The following SYN2 variants were observed in gnomAD, a reference collection of about 807,000 sequenced individuals.
SYN2 encodes synapsin-2.
SYN2 carries 19 observed loss-of-function variants against 50.9 expected under a neutral mutation model. The observed-to-expected ratio is 0.37, with a 90% CI of 0.26 to 0.55. The LOEUF (loss-of-function observed/expected upper bound fraction) is 0.55. SYN2 is among the 20% of genes least tolerant of loss of function. The pLI is 0.81. For synonymous variants in SYN2, 255 were observed against 224.9 expected, an observed-to-expected ratio of 1.13 and a Z score of -1.20; for missense variants, 587 against 576.4, an observed-to-expected ratio of 1.02 and a Z score of -0.19.
At chr3:12,174,590 C>G (rs1698017713) in intron 10 of SYN2, among the ~76,000 whole-genome samples, 1 of 152,126 alleles carries the variant, frequency 6.6e-6, no homozygotes, top group African/African-American at 2.4e-5. Flanking sequence ...CAAGCGATTC[C>G]CCTGCCTCAG....
rs1696974627 is a variant in SYN2, at chr3:12,139,771, G to A, written c.378-880G>A. On this transcript the variant is annotated intron_variant, in intron 1 of 12. Coordinates refer to ENST00000621198, the MANE Select transcript of SYN2 (RefSeq NM_133625.6). The stretch of plus-strand genomic sequence containing the variant: ...AAAGCAAGCTCAACTTACCTAACAG[G>A]TAGAGTATGGAAAGGCCCTTTTGAC... Among the ~76,000 whole-genome samples the A allele has an allele frequency of 2.6e-5, 4 of 152,170 alleles. No individual in the cohort carries two copies. In the South Asian group the frequency reaches 8.3e-4, roughly 32 times the overall value.
At chr3:12,052,115 T>A (rs573546351) in intron 1 of SYN2, among the ~76,000 whole-genome samples, 35 of 152,362 alleles carry the variant, frequency 2.3e-4, no homozygotes, top group Middle Eastern at 3.4e-3. Context: ...ATTCACATTT[T>A]AGTATTTATA....
intron 1 of SYN2, among the ~76,000 whole-genome samples, chr3:12,049,923 T>C (rs1405255699): frequency 6.6e-6 from 1 of 151,910 alleles, no homozygotes; most frequent in Non-Finnish European, 1.5e-5. Flanking sequence ...ATCTCGACAG[T>C]TTTTGTTTGT....
intron 1 of SYN2, among the ~76,000 whole-genome samples, chr3:12,036,804 C>G (rs1029229773): frequency 2.0e-5 from 3 of 152,202 alleles, no homozygotes; most frequent in African/African-American, 7.2e-5. Context: ...CTTTGCCTTT[C>G]CAGGCTGAGA....
intron 1 of SYN2, among the ~76,000 whole-genome samples, chr3:12,005,858 A>G (rs1693791696): frequency 6.6e-6 from 1 of 152,088 alleles, no homozygotes; most frequent in Non-Finnish European, 1.5e-5. Context: ...CTGAAGACAA[A>G]TTAGTTAAAA....
intron 1 of SYN2, among the ~76,000 whole-genome samples, chr3:12,016,367 C>T (rs1168285777): frequency 6.6e-6 from 1 of 152,226 alleles, no homozygotes; most frequent in East Asian, 1.9e-4. Flanking sequence ...TACTTGAAAT[C>T]AAATAATTAT....
At chr3:12,143,655 A>G (rs1390297354) in intron 3 of SYN2, among the ~76,000 whole-genome samples, 1 of 152,078 alleles carries the variant, frequency 6.6e-6, no homozygotes, top group Non-Finnish European at 1.5e-5. Context: ...TCCATGGTGT[A>G]TGCTATATAT....
rs116880434 is a variant in SYN2 at position 12,071,141 on chromosome 3, G to T, written c.377+66213G>T. 24 of 556,750 alleles carry T rather than the reference G, an allele frequency of 4.3e-5. No individual in the cohort carries two copies. The East Asian group carries it at 1.1e-3, about 25-fold the overall frequency. 34.5% of individuals were successfully genotyped at this position (556,750 alleles called of 1,614,324 possible). ...CATGCCAACAAGGTGCTGTCCAGCG[G>T]CACTACCATGTACCCGGGCATCACC... On this transcript the variant is annotated intron_variant, in intron 1 of 12. Transcript: ENST00000621198.
rs930276396 is a variant in SYN2 at position 12,161,922 on chromosome 3, G to C, written c.838-90G>C. 5.5e-5 allele frequency: 84 copies of C among 1,540,832 alleles called. 1 individual carries two copies. In the Middle Eastern group the frequency reaches 9.1e-4, roughly 17 times the overall value. Reference sequence around the variant, plus strand: ...TAGTGTCTGGATCGGATACATATTGGTGGGTTTGGAGGCTCAGGGCCCTTG... The same window carrying C: ...TAGTGTCTGGATCGGATACATATTGCTGGGTTTGGAGGCTCAGGGCCCTTG... On this transcript the variant is annotated intron_variant, in intron 6 of 12. Coordinates refer to ENST00000621198, the MANE Select transcript of SYN2 (RefSeq NM_133625.6).
intron 1 of SYN2, among the ~76,000 whole-genome samples, chr3:12,129,608 G>A (rs1277515588): frequency 6.6e-6 from 1 of 152,144 alleles, no homozygotes; most frequent in Admixed American, 6.5e-5. Context: ...CAGGGAGTGT[G>A]TATACCCCAG....
At chr3:12,159,504 G>C (rs972925802) in intron 5 of SYN2, among the ~76,000 whole-genome samples, 1 of 152,120 alleles carries the variant, frequency 6.6e-6, no homozygotes, top group African/African-American at 2.4e-5. Flanking sequence ...CTGTTGCCTG[G>C]GGGGTGGGGA....
intron 1 of SYN2, among the ~76,000 whole-genome samples, chr3:12,118,282 G>A (rs1356168600): frequency 6.6e-6 from 1 of 152,186 alleles, no homozygotes; most frequent in Non-Finnish European, 1.5e-5. Context: ...TACAAACACA[G>A]GCTTGGTGCA....
intron 1 of SYN2, among the ~76,000 whole-genome samples, chr3:12,119,424 G>A (rs551265391): frequency 6.6e-6 from 1 of 152,124 alleles, no homozygotes; most frequent in South Asian, 2.1e-4. Context: ...TGCAATCGTA[G>A]CAACCTAACA....
At chr3:12,041,914 C>T (rs761490399) in intron 1 of SYN2, among the ~76,000 whole-genome samples, 44 of 152,308 alleles carry the variant, frequency 2.9e-4, no homozygotes, top group African/African-American at 7.9e-4. Flanking sequence ...TCGCTCAAAA[C>T]GTTCCTTTCT....
intron 1 of SYN2, among the ~76,000 whole-genome samples, chr3:12,039,434 CAT>C (rs1694564313): frequency 6.6e-6 from 1 of 151,988 alleles, no homozygotes; most frequent in Admixed American, 6.6e-5. Flanking sequence ...ACAGGCCTTA[CAT>C]ACATTATCTT....
intron 11 of SYN2, chr3:12,184,278 T>C (rs1322635636): frequency 1.0e-6 from 1 of 984,000 alleles, no homozygotes; most frequent in Non-Finnish European, 1.2e-6. Context: ...TTGTGTGTGT[T>C]GATCTCAGTT....
At chr3:12,075,461 G>A (rs911243509) in intron 1 of SYN2, among the ~76,000 whole-genome samples, 2 of 152,060 alleles carry the variant, frequency 1.3e-5, no homozygotes, top group Admixed American at 6.6e-5. Flanking sequence ...ATGATACATG[G>A]TTTTTAATAA....
chr3:12,034,570 G>A (rs1694453888), intron 1 of SYN2, among the ~76,000 whole-genome samples: 1 of 152,208 alleles, frequency 6.6e-6, no homozygotes, highest in Admixed American at 6.5e-5. Flanking sequence ...GACCGTATCT[G>A]ATGAGGGCCT....
At chr3:12,013,968 C>T (rs1693969435) in intron 1 of SYN2, among the ~76,000 whole-genome samples, 1 of 152,118 alleles carries the variant, frequency 6.6e-6, no homozygotes, top group Non-Finnish European at 1.5e-5. Flanking sequence ...CTCCCCTTTC[C>T]TTTTCTTGAT....
Sources: allele counts gnomAD v4.1 joint callset (sites outside exome capture counted in the v4.1 genomes callset), GRCh38; gene constraint gnomAD v4.1.1; transcripts MANE v1.5; gene names NCBI Gene and HGNC (gene_info 2026-07-23, HGNC 2026-07-21).